Variants in SAMHD1 observed in about 807,000 individuals in gnomAD.
The protein encoded by SAMHD1 is SAM and HD domain containing deoxynucleoside triphosphate triphosphohydrolase 1.
SAMHD1 carries 54 observed loss-of-function variants against 79.6 expected under a neutral mutation model. The observed-to-expected ratio is 0.68, with a 90% CI of 0.55 to 0.85. The LOEUF is 0.85. SAMHD1 is among the 40% of genes least tolerant of loss of function. The pLI is 0.00. For synonymous variants in SAMHD1, 260 were observed against 264.1 expected, an observed-to-expected ratio of 0.98 and a Z score of 0.15; for missense variants, 663 against 782.7, an observed-to-expected ratio of 0.85 and a Z score of 1.82.
chr20:36,916,542 G>T, intron 9 of SAMHD1, 180 bp downstream of exon 9: 1 of 587,172 alleles, frequency 1.7e-6, no homozygotes, highest in Non-Finnish European at 3.0e-6. Flanking sequence ...AAATGTCCAT[G>T]TTAATTTTAT....
At chr20:36,897,041 C>A (rs182739918) in intron 15 of SAMHD1, among the ~76,000 whole-genome samples, 1 of 152,136 alleles carries the variant, frequency 6.6e-6, no homozygotes, top group African/African-American at 2.4e-5. Flanking sequence ...CTTCACCAGG[C>A]TTCTCCCAGA....
rs150504502 is a variant in SAMHD1, at chr20:36,938,369, G to A, written c.348+2670C>T. On this transcript the variant is annotated intron_variant, in intron 3 of 15. Transcript: ENST00000646673. ...AGCCTGGCCAACATGGTGAAACCCC[G>A]TCTCTACTAAAAATACAAAAATTAG... 6.3e-3 allele frequency among the ~76,000 whole-genome samples: 953 copies of A among 151,922 alleles called. 5 individuals are homozygous for A. The highest frequency in any genetic ancestry group is 0.021 in the African/African-American group (868 of 41,464).
chr20:36,913,559 C>T (rs1038098877), intron 9 of SAMHD1, among the ~76,000 whole-genome samples: 19 of 149,670 alleles, frequency 1.3e-4, no homozygotes, highest in Non-Finnish European at 1.8e-4. Context: ...GCGGAGATCA[C>T]GCCATTGCAC....
intron 13 of SAMHD1, among the ~76,000 whole-genome samples, chr20:36,899,878 G>A (rs1236501464): frequency 2.6e-5 from 4 of 152,078 alleles, no homozygotes; most frequent in Non-Finnish European, 4.4e-5. Flanking sequence ...AGCGGATCAC[G>A]AGGTCAGGAG....
At chr20:36,938,329 C>A (rs1178517427) in intron 3 of SAMHD1, among the ~76,000 whole-genome samples, 2 of 152,148 alleles carry the variant, frequency 1.3e-5, no homozygotes, top group Admixed American at 6.5e-5. Context: ...ATCACGAGGT[C>A]AGGAGTTCGA....
intron 9 of SAMHD1, chr20:36,916,465 C>CAA: frequency 1.1e-4 from 38 of 335,676 alleles, no homozygotes; most frequent in Middle Eastern, 9.7e-4. Context: ...GATCCTATTT[C>CAA]AAAAAAAAAA....
At chr20:36,902,434 G>A (rs1282919775) in intron 13 of SAMHD1, among the ~76,000 whole-genome samples, 7 of 152,136 alleles carry the variant, frequency 4.6e-5, no homozygotes, top group African/African-American at 7.2e-5. Context: ...CGTCCGCCTC[G>A]GCCTCCCAAA....
intron 3 of SAMHD1, 52 bp downstream of exon 3, chr20:36,940,987 T>C (rs2063639873): frequency 1.5e-6 from 2 of 1,324,398 alleles, no homozygotes; most frequent in Non-Finnish European, 2.2e-6. Context: ...TTTACATAAT[T>C]GAGTTATATC....
intron 15 of SAMHD1, 94 bp from the exon 16 acceptor site, chr20:36,893,160 C>T: frequency 6.8e-7 from 1 of 1,476,618 alleles, no homozygotes; most frequent in Non-Finnish European, 9.3e-7. Flanking sequence ...ACATCCTCAT[C>T]TTGCATATAG....
intron 4 of SAMHD1, among the ~76,000 whole-genome samples, chr20:36,933,675 G>C (rs6130143): frequency 6.6e-6 from 1 of 151,906 alleles, no homozygotes; most frequent in Non-Finnish European, 1.5e-5. Context: ...ATTTTTACTA[G>C]AGACGGGGTT....
chr20:36,924,442 G>A (rs913336044), intron 6 of SAMHD1, among the ~76,000 whole-genome samples: 1 of 151,992 alleles, frequency 6.6e-6, no homozygotes, highest in African/African-American at 2.4e-5. Context: ...AAAGAAAAGA[G>A]CATAAATCAG....
At chr20:36,909,284 G>C (rs2063422810) in intron 11 of SAMHD1, among the ~76,000 whole-genome samples, 1 of 152,028 alleles carries the variant, frequency 6.6e-6, no homozygotes, top group Non-Finnish European at 1.5e-5. Flanking sequence ...TAGTTAAACA[G>C]TTTCATAATT....
At chr20:36,944,173 C>A (rs571909467) in intron 2 of SAMHD1, among the ~76,000 whole-genome samples, 2 of 151,204 alleles carry the variant, frequency 1.3e-5, no homozygotes, top group Non-Finnish European at 2.9e-5. Context: ...CGATGAAACC[C>A]CGTCTCTACT....
At chr20:36,910,120 G>A (rs2063428576) in intron 11 of SAMHD1, among the ~76,000 whole-genome samples, 1 of 151,904 alleles carries the variant, frequency 6.6e-6, no homozygotes, top group Non-Finnish European at 1.5e-5. Context: ...CTACTCGGGA[G>A]GCTGAGGCAG....
intron 5 of SAMHD1, among the ~76,000 whole-genome samples, chr20:36,927,468 C>T (rs1009778905): frequency 5.2e-4 from 79 of 151,978 alleles, no homozygotes; most frequent in African/African-American, 1.6e-3. Context: ...CAGGCGTGTG[C>T]AACCACATCC....
At chr20:36,902,141 T>A (rs888804233) in intron 13 of SAMHD1, among the ~76,000 whole-genome samples, 1 of 152,174 alleles carries the variant, frequency 6.6e-6, no homozygotes, top group Non-Finnish European at 1.5e-5. Context: ...GTTGGAGTTC[T>A]GAGAGGAGGG....
At chr20:36,932,299 C>T (rs533700656) in intron 4 of SAMHD1, among the ~76,000 whole-genome samples, 89 of 135,794 alleles carry the variant, frequency 6.6e-4, no homozygotes, top group Admixed American at 1.1e-3. Context: ...TGTGGTGAGC[C>T]GAGATTGCGC....
chr20:36,927,545 G>A (rs780710923), intron 5 of SAMHD1, among the ~76,000 whole-genome samples: 15 of 151,994 alleles, frequency 9.9e-5, no homozygotes, highest in Non-Finnish European at 1.5e-4. Flanking sequence ...TCGAACTCCC[G>A]ACCTCAGGTG....
Position 36,927,264 on chromosome 20 carries a change from A to T in SAMHD1, c.626-12T>A. 2 of 1,612,288 alleles carry T rather than the reference A, an allele frequency of 1.2e-6. No homozygotes were observed. The highest frequency in any genetic ancestry group is 1.7e-6 in the Non-Finnish European group (2 of 1,178,408). On this transcript the variant is annotated splice_polypyrimidine_tract_variant and intron_variant, in intron 5 of 15. Coordinates refer to ENST00000646673, the MANE Select transcript of SAMHD1 (RefSeq NM_015474.4). ...AAATGGCCCATGACCTTAAAAACAA[A>T]AGCAGCCTTAGAACAAGAAAAACAT...
Sources: gnomAD v4.1 joint callset for allele counts (sites outside exome capture counted in the v4.1 genomes callset) on GRCh38, gnomAD v4.1.1 for gene constraint, MANE v1.5 for transcripts, NCBI Gene and HGNC (gene_info 2026-07-23, HGNC 2026-07-21) for gene names.